CEP192: variants seen among roughly 807,000 people sequenced by gnomAD.
The protein encoded by CEP192 is centrosomal protein 192, also known as centrosomal protein of 192 kDa.
A neutral mutation model predicts 271.8 loss-of-function variants in CEP192; 151 were observed. That is an observed-to-expected ratio of 0.56 (90% CI 0.49 to 0.64). The LOEUF (loss-of-function observed/expected upper bound fraction) is 0.64, where lower values mean the gene tolerates loss of function less well. CEP192 is among the 30% of genes least tolerant of loss of function. The pLI, the probability that CEP192 is intolerant of heterozygous loss-of-function variation, is 0.00. For synonymous variants in CEP192, 995 were observed against 1,076.5 expected (o/e 0.92, Z 1.48); for missense variants, 2,910 against 3,020.5 (o/e 0.96, Z 0.86).
chr18:13,073,255 G>A (rs1040950597), intron 30 of CEP192, 70 bp downstream of exon 30: 3 of 1,317,580 alleles, frequency 2.3e-6, no homozygotes, highest in African/African-American at 3.0e-5. Flanking sequence ...GTTTAATGTT[G>A]TAAATTATAC....
chr18:13,086,287 C>A lies in CEP192; in HGVS notation c.5617-730C>A, dbSNP rs192299529. ...AGATTAAGGAGATTTTGGACTGAGA[C>A]GATGGGGTTTTCTAAATATACAATC... On this transcript the variant is annotated intron_variant, in intron 30 of 44. Transcript: ENST00000506447. Among the ~76,000 whole-genome samples, 35 of 152,304 alleles carry A rather than the reference C, an allele frequency of 2.3e-4. 1 individual carries two copies. The South Asian group carries it at 5.4e-3, about 23-fold the overall frequency.
chr18:13,019,177 T>A lies in CEP192; in HGVS notation c.1021T>A (p.Leu341Met). ...GGGAACTGAGAAAGAAATAGAAAAT[T>A]TGAAGGGTATTGTTCCAGATCTTAA... is the stretch of plus-strand genomic sequence containing the variant. ...TWGTEKEIEN[L>M]KGIVPDLNSE... is the part of the protein sequence containing the mutation. The change falls in exon 9 of 45, where the codon TTG becomes ATG. Residue 341 changes from leucine (L) to methionine (M), a missense_variant. By Grantham distance (15) the Leu-to-Met change is conservative (BLOSUM62 2). Transcript: ENST00000506447. 1 of 1,544,272 alleles carries A rather than the reference T, an allele frequency of 6.5e-7. No homozygotes were observed. The highest frequency in any genetic ancestry group is 2.5e-5 in the East Asian group (1 of 40,364).
rs528570017 is a variant in CEP192 at position 13,113,793 on chromosome 18, C to A, written c.7167+88C>A. The A allele has an allele frequency of 5.1e-5, 58 of 1,145,710 alleles. No individual in the cohort carries two copies. The South Asian group carries it at 8.3e-4, about 16-fold the overall frequency. The allele number at this position is 1,145,710 out of a possible 1,614,324, so 71.0% of individuals were successfully genotyped here. On this transcript the variant is annotated intron_variant, in intron 41 of 44. Coordinates refer to ENST00000506447, the MANE Select transcript of CEP192 (RefSeq NM_032142.4). ...AATAAGAAAAGTTGGCCTGAAAATG[C>A]AGAATATAGCCCCATAATCTTAATT...
intron 4 of CEP192, among the ~76,000 whole-genome samples, chr18:13,011,313 A>T (rs1045055832): frequency 6.6e-5 from 10 of 152,114 alleles, no homozygotes; most frequent in South Asian, 2.1e-4. Context: ...ATAAAAAAAA[A>T]GGAAAATAAC....
chr18:13,094,505 T>C (rs890993482), intron 34 of CEP192, among the ~76,000 whole-genome samples: 1 of 152,242 alleles, frequency 6.6e-6, no homozygotes, highest in African/African-American at 2.4e-5. Context: ...CTGATCCTTT[T>C]GATAGGTCCC....
intron 30 of CEP192, among the ~76,000 whole-genome samples, chr18:13,078,732 C>T (rs1191986679): frequency 6.6e-6 from 1 of 151,878 alleles, no homozygotes; most frequent in African/African-American, 2.4e-5. Context: ...TTTACTGCAC[C>T]CATTAACTCG....
chr18:13,102,112 T>A (rs2039735050), intron 38 of CEP192, among the ~76,000 whole-genome samples: 2 of 152,114 alleles, frequency 1.3e-5, no homozygotes, highest in African/African-American at 4.8e-5. Context: ...TGCTCCTCTG[T>A]GTGTGTCCTG....
At chr18:13,008,874 C>G (rs1274277803) in intron 4 of CEP192, among the ~76,000 whole-genome samples, 1 of 151,866 alleles carries the variant, frequency 6.6e-6, no homozygotes, top group African/African-American at 2.4e-5. Context: ...GCTAGGCTAA[C>G]TTTTTGTGTT....
chr18:13,008,732 G>T (rs1401925772), intron 4 of CEP192, 101 bp downstream of exon 4: 25 of 911,546 alleles, frequency 2.7e-5, no homozygotes, highest in Non-Finnish European at 3.7e-5. Flanking sequence ...AGGCAGGGTC[G>T]CACTCCTGTC....
At position 13,056,669 on chromosome 18, in the gene CEP192, C is replaced by G; in HGVS notation, c.4079C>G (p.Pro1360Arg). ...GTTGGTACAAACTGTGGAATTGAAC[C>G]ATGGGATTCAGGAGTGACATCAGGA... Reference protein sequence around the residue: ...PSVGTNCGIEPWDSGVTSGLG... With the variant: ...PSVGTNCGIERWDSGVTSGLG... Residue 1360 changes from proline (P) to arginine (R), a missense_variant, in exon 19 of 45, where the codon CCA becomes CGA. Physicochemically the swap from Pro to Arg is moderately radical, Grantham distance 103. Transcript: ENST00000506447. 1 of 1,609,640 alleles carries G rather than the reference C, an allele frequency of 6.2e-7. No individual in the cohort carries two copies. The highest frequency in any genetic ancestry group is 1.7e-5 in the Admixed American group (1 of 59,290).
At position 13,056,540 on chromosome 18, in the gene CEP192, A is replaced by G. The variant is rs1047708427; in HGVS notation, c.3950A>G (p.Asn1317Ser). 6.2e-7 allele frequency: 1 copy of G among 1,614,216 alleles called. No individual in the cohort carries two copies. The highest frequency in any genetic ancestry group is 1.7e-5 in the Admixed American group (1 of 60,028). ...GCTGTGGGAATTTGTCTAGGATCAA[A>G]TATCGGCTCTGGATGGATGGGTACC... ...SVAVGICLGSNIGSGWMGTSS... is the reference protein window; with the variant it reads ...SVAVGICLGSSIGSGWMGTSS... The change falls in exon 19 of 45, where the codon AAT becomes AGT. Residue 1317 changes from asparagine (N) to serine (S), a missense_variant. Physicochemically the swap from Asn to Ser is conservative, Grantham distance 46. Transcript: ENST00000506447.
intron 9 of CEP192, 48 bp from the exon 10 acceptor site, chr18:13,029,615 C>G (rs887838517): frequency 1.7e-6 from 2 of 1,146,808 alleles, no homozygotes; most frequent in African/African-American, 3.1e-5. Flanking sequence ...TTATAAAAAA[C>G]AAGACTTACT....
chr18:13,067,774 A>G (rs1598498354), intron 21 of CEP192, 57 bp from the exon 22 acceptor site: 6 of 1,453,182 alleles, frequency 4.1e-6, no homozygotes, highest in Non-Finnish European at 5.7e-6. Context: ...ATGAACATAC[A>G]TGTTGTGCTA....
intron 5 of CEP192, 99 bp downstream of exon 5, chr18:13,013,124 C>T: frequency 5.2e-6 from 3 of 577,202 alleles, no homozygotes; most frequent in South Asian, 5.2e-5. Flanking sequence ...TAGATGTCAT[C>T]TACTTTTTTC....
At chr18:13,096,158 C>T (rs1204763758) in intron 35 of CEP192, 26 bp from the exon 36 acceptor site, 1 of 1,608,590 alleles carries the variant, frequency 6.2e-7, no homozygotes, top group South Asian at 1.1e-5. Flanking sequence ...AAATGTAAGT[C>T]ACATTTTATG....
In CEP192 at chr18:13,105,006, T is replaced by G. The variant is rs549594613; in HGVS notation, c.6974T>G (p.Val2325Gly). The G allele has an allele frequency of 6.2e-7, 1 of 1,613,672 alleles. No homozygotes were observed. The highest frequency in any genetic ancestry group is 1.3e-5 in the African/African-American group (1 of 75,058). ...CAGGGAGTTGATGAAAGTGGAGATG[T>G]TTTTAGAGCTACCTATGCAGCATTC... ...YVKGVDESGD[V>G]FRATYAAFRC... is the part of the protein sequence containing the mutation. Residue 2325 changes from valine to glycine, a missense_variant, in exon 40 of 45, where the codon GTT (valine) becomes GGT (glycine). By Grantham distance (109) the Val-to-Gly change is moderately radical. Transcript: ENST00000506447.
Position 13,049,524 on chromosome 18 carries a change from GAACCCCAGAAT to G in CEP192, c.2737_2747del (p.Pro913IlefsTer9), listed in dbSNP as rs760274967. On this transcript the variant is annotated frameshift_variant, in exon 16 of 45. Transcript: ENST00000506447. LOFTEE classifies it high-confidence loss of function. ...CATCTGATAGTTATTCATCAGTGAG[GAACCCCAGAAT>G]AACATCCCTTTGTCTGTTAAAAGAC... is the stretch of plus-strand genomic sequence containing the variant. 2 of 1,613,912 alleles carry G rather than the reference GAACCCCAGAAT, an allele frequency of 1.2e-6. No individual in the cohort carries two copies. Among genetic ancestry groups the G allele is most frequent in the South Asian group, 2.2e-5 (2 of 91,062 alleles).
Position 13,117,624 on chromosome 18 carries a change from C to T in CEP192, c.7456C>T (p.His2486Tyr), listed in dbSNP as rs2040492446. The T allele has an allele frequency of 6.2e-7, 1 of 1,612,626 alleles. No individual in the cohort carries two copies. Among genetic ancestry groups the T allele is most frequent in the Non-Finnish European group, 8.5e-7 (1 of 1,178,694 alleles). ...TCCCAGAGAGCCATTCTATGTCAAA[C>T]ATTCCAAGTACTCTTTGAGGTAAGT... ...LSPREPFYVK[H>Y]SKYSLRAQHY... Residue 2486 changes from histidine to tyrosine, a missense_variant, in exon 44 of 45, where the codon CAT becomes TAT. His to Tyr is a moderately conservative substitution (Grantham distance 83). Coordinates refer to ENST00000506447, the MANE Select transcript of CEP192 (RefSeq NM_032142.4).
intron 4 of CEP192, among the ~76,000 whole-genome samples, chr18:13,012,506 C>CT (rs2034421497): frequency 6.6e-6 from 1 of 152,086 alleles, no homozygotes; most frequent in African/African-American, 2.4e-5. Flanking sequence ...CTTAGTGATT[C>CT]TTTTTTTATT....
Sources: allele counts gnomAD v4.1 joint callset (sites outside exome capture counted in the v4.1 genomes callset), GRCh38; gene constraint gnomAD v4.1.1; transcripts MANE v1.5; gene names NCBI Gene and HGNC (gene_info 2026-07-23, HGNC 2026-07-21).